The following TBATA variants were observed in gnomAD, a reference collection of about 807,000 sequenced individuals.
TBATA encodes protein TBATA.
TBATA carries 47 observed loss-of-function variants against 38.7 expected under a neutral mutation model. The ratio of observed to expected loss-of-function variants is 1.21; its 90% CI spans 0.96 to 1.55. The LOEUF is 1.55. Ranked by LOEUF, TBATA falls within the 40% of genes most tolerant of loss-of-function variation. The pLI is 0.00. For synonymous variants in TBATA, 183 were observed against 170.5 expected, an observed-to-expected ratio of 1.07 and a Z score of -0.57; for missense variants, 436 against 435.6, an observed-to-expected ratio of 1.00 and a Z score of -0.01.
At chr10:70,776,834 C>T (rs1738401251) in intron 7 of TBATA, among the ~76,000 whole-genome samples, 1 of 152,144 alleles carries the variant, frequency 6.6e-6, no homozygotes, top group Non-Finnish European at 1.5e-5. Flanking sequence ...ATGGGCAGGA[C>T]CTCCTTCTTC....
intron 9 of TBATA, 91 bp downstream of exon 9, chr10:70,774,122 G>C (rs528836640): frequency 2.2e-5 from 34 of 1,531,774 alleles, no homozygotes; most frequent in Non-Finnish European, 2.9e-5. Flanking sequence ...CCCAGACCCT[G>C]GTCAGCGCCA....
In TBATA at chr10:70,782,755, G is replaced by A. The variant is rs1589422853; in HGVS notation, c.41+584C>T. On this transcript the variant is annotated intron_variant, in intron 3 of 10. Coordinates refer to ENST00000456372, the MANE Select transcript of TBATA (RefSeq NM_001318241.2). ...CGCTATGCATCTGCCCTTGGAGGAA[G>A]GTCAAGATCAGCAAAGGTGGGCCAG... 8.4e-6 allele frequency: 5 copies of A among 596,898 alleles called. No individual in the cohort carries two copies. The South Asian group carries it at 2.2e-4, about 27-fold the overall frequency. The allele number at this position is 596,898 out of a possible 1,614,324, so 37.0% of individuals were successfully genotyped here.
intron 8 of TBATA, among the ~76,000 whole-genome samples, 188 bp downstream of exon 8, chr10:70,775,001 G>C (rs1000243409): frequency 2.0e-5 from 3 of 152,346 alleles, no homozygotes; most frequent in Admixed American, 2.0e-4. Flanking sequence ...AGGAATTGGG[G>C]AGGAGGAAGC....
At position 70,772,262 on chromosome 10, in the gene TBATA, C is replaced by T. The variant is rs748796310; in HGVS notation, c.973+252G>A. 3.0e-5 allele frequency: 20 copies of T among 676,674 alleles called. No individual in the cohort carries two copies. In the South Asian group the frequency reaches 3.0e-4, roughly 10 times the overall value. 41.9% of individuals were successfully genotyped at this position (676,674 alleles called of 1,614,324 possible). A position where few individuals can be genotyped will look rare whatever the true frequency, so the allele number is the denominator to read the frequency against. On this transcript the variant is annotated intron_variant, in intron 10 of 10. Coordinates refer to ENST00000456372, the MANE Select transcript of TBATA (RefSeq NM_001318241.2). The stretch of plus-strand genomic sequence containing the variant: ...TTTTAATTTGTTGTCTGTATTCCTC[C>T]TTGCTGGGATGTAAGTTCCGTGACA...
chr10:70,782,427 G>C (rs138666463), intron 3 of TBATA: 8 of 1,297,708 alleles, frequency 6.2e-6, no homozygotes, highest in African/African-American at 3.0e-5. Flanking sequence ...GTCTCAACAG[G>C]GGCCTCTCCC....
intron 10 of TBATA, chr10:70,772,307 C>A (rs1234913065): frequency 1.4e-6 from 1 of 712,938 alleles, no homozygotes; most frequent in East Asian, 2.7e-5. Flanking sequence ...TGTCTGAATT[C>A]TTCCTCACTG....
Position 70,781,913 on chromosome 10 carries a change from T to G in TBATA, c.165A>C (p.Ala55=). Residue 55 remains alanine (A), a synonymous_variant, in exon 4 of 11, where the codon GCA becomes GCC. Transcript: ENST00000456372. ...GGGTTTGGGGCTTTGGGGTCCTCAATGCCCGGCGGATCCGCTCGAAATCCA... is the reference window on the plus strand; with the variant it reads ...GGGTTTGGGGCTTTGGGGTCCTCAAGGCCCGGCGGATCCGCTCGAAATCCA... ...GIVDFERIRR[A]LRTPKPQTPG... The G allele has an allele frequency of 1.2e-6, 2 of 1,614,222 alleles. No individual in the cohort carries two copies. The highest frequency in any genetic ancestry group is 2.2e-5 in the South Asian group (2 of 91,082).
chr10:70,783,440 C>T lies in TBATA; in HGVS notation c.-61G>A, dbSNP rs1400883861. The T allele has an allele frequency of 2.5e-6, 4 of 1,581,280 alleles. No homozygotes were observed. The highest frequency in any genetic ancestry group is 1.7e-5 in the Admixed American group (1 of 59,784). ...TAATACTAGCGTTGAGGATGCAGAA[C>T]AGGAACTCTCACTTAATACTAGTGT... On this transcript the variant is annotated 5_prime_UTR_variant, in exon 3 of 11. Coordinates refer to ENST00000456372, the MANE Select transcript of TBATA (RefSeq NM_001318241.2).
In TBATA at chr10:70,771,440, A is replaced by G. The variant is rs1225832714; in HGVS notation, c.995T>C (p.Val332Ala). 1 of 1,613,894 alleles carries G rather than the reference A, an allele frequency of 6.2e-7. No individual in the cohort carries two copies. The highest frequency in any genetic ancestry group is 1.7e-5 in the Admixed American group (1 of 60,002). ...GTTCTGGCTTGAATGCATCTGGAGG[A>G]CTTGAGCTTCTCCAATGTACTCTAG... ...EKPEYIGEAQ[V>A]LQMHSSQNTE... The change falls in exon 11 of 11, where the codon GTC (valine) becomes GCC (alanine). Residue 332 changes from valine (V) to alanine (A), a missense_variant. Physicochemically the swap from Val to Ala is moderately conservative, Grantham distance 64. Coordinates refer to ENST00000456372, the MANE Select transcript of TBATA (RefSeq NM_001318241.2).
intron 9 of TBATA, among the ~76,000 whole-genome samples, chr10:70,773,728 C>T (rs1208790279): frequency 6.6e-6 from 1 of 152,324 alleles, no homozygotes; most frequent in Non-Finnish European, 1.5e-5. Flanking sequence ...GAACACCCAG[C>T]GGTGTCAGGC....
At chr10:70,775,484 A>C (rs1273087088) in intron 7 of TBATA, among the ~76,000 whole-genome samples, 1 of 152,174 alleles carries the variant, frequency 6.6e-6, no homozygotes, top group Non-Finnish European at 1.5e-5. Context: ...GTCCAGGAGG[A>C]AGATTCTTAA....
At position 70,772,572 on chromosome 10, in the gene TBATA, A is replaced by G; in HGVS notation, c.921-6T>C. The G allele has an allele frequency of 6.2e-7, 1 of 1,614,126 alleles. No homozygotes were observed. Among genetic ancestry groups the G allele is most frequent in the Non-Finnish European group, 8.5e-7 (1 of 1,180,014 alleles). On this transcript the variant is annotated splice_region_variant and splice_polypyrimidine_tract_variant and intron_variant, in intron 9 of 10. Transcript: ENST00000456372. ...TCGTTTTCTTCGGGGATTGACTGTG[A>G]CCAAATACAAAGAAGGGGCTGGGAA...
At position 70,783,350 on chromosome 10, in the gene TBATA, A is replaced by G; in HGVS notation, c.30T>C (p.Tyr10=). MATDVQLAD[Y]PLMSPKAELK... is the part of the protein sequence containing the mutation. Reference sequence around the variant, plus strand: ...ATTTGGAGCCTCACCTCATCAGTGGATAATCAGCCAATTGAACATCTGTAG... The same window carrying G: ...ATTTGGAGCCTCACCTCATCAGTGGGTAATCAGCCAATTGAACATCTGTAG... The change falls in exon 3 of 11, where the codon TAT becomes TAC. Residue 10 remains tyrosine (Y), a synonymous_variant. Transcript: ENST00000456372. 6.2e-7 allele frequency: 1 copy of G among 1,614,206 alleles called. No homozygotes were observed. Among genetic ancestry groups the G allele is most frequent in the Non-Finnish European group, 8.5e-7 (1 of 1,180,018 alleles).
At chr10:70,777,774 C>A in intron 6 of TBATA, 1 of 445,976 alleles carries the variant, frequency 2.2e-6, no homozygotes, top group Non-Finnish European at 4.5e-6. Context: ...TAATTCCCAG[C>A]TCAGCTGCCC....
intron 2 of TBATA, 24 bp from the exon 3 acceptor site, chr10:70,783,549 T>C (rs1164609696): frequency 1.5e-6 from 1 of 680,740 alleles, no homozygotes; most frequent in African/African-American, 1.8e-5. Context: ...AATGGTAATA[T>C]CTTTTAAAAT....
At chr10:70,779,840 C>T in intron 4 of TBATA, 98 bp from the exon 5 acceptor site, 1 of 1,275,210 alleles carries the variant, frequency 7.8e-7, no homozygotes, top group Non-Finnish European at 1.1e-6. Context: ...ATTCCGGCTC[C>T]ACCTCTTCCA....
intron 6 of TBATA, among the ~76,000 whole-genome samples, chr10:70,778,127 T>C (rs1468222122): frequency 6.6e-6 from 1 of 152,102 alleles, no homozygotes; most frequent in Non-Finnish European, 1.5e-5. Context: ...CGAGATTCTC[T>C]GCTCCTTATG....
chr10:70,774,385 C>T (rs897387630), intron 8 of TBATA, 28 bp from the exon 9 acceptor site: 1 of 1,559,692 alleles, frequency 6.4e-7, no homozygotes, highest in African/African-American at 1.3e-5. Flanking sequence ...GGGCAGTGTC[C>T]TCAGCCCCCA....
chr10:70,771,361 A>C lies in TBATA; in HGVS notation c.*15T>G, dbSNP rs1842773881. The C allele has an allele frequency of 6.2e-7, 1 of 1,614,056 alleles. No individual in the cohort carries two copies. The highest frequency in any genetic ancestry group is 1.7e-5 in the Admixed American group (1 of 60,008). On this transcript the variant is annotated 3_prime_UTR_variant, in exon 11 of 11. Transcript: ENST00000456372. ...GGCTGCTCTTGAGCAAGGCAGGTGC[A>C]AGTGTTAGGGCCCCTCAGCTCTCTG...
Sources: allele counts gnomAD v4.1 joint callset (sites outside exome capture counted in the v4.1 genomes callset), GRCh38; gene constraint gnomAD v4.1.1; transcripts MANE v1.5; gene names NCBI Gene and HGNC (gene_info 2026-07-23, HGNC 2026-07-21).